Variants in KITLG observed in about 807,000 individuals in gnomAD.
The protein encoded by KITLG is c-Kit ligand.
KITLG carries 13 observed loss-of-function variants against 34.1 expected under a neutral mutation model. That is an observed-to-expected ratio of 0.38 (90% CI 0.25 to 0.61). The LOEUF is 0.61. KITLG is among the 20% of genes least tolerant of loss of function. The probability of loss-of-function intolerance (pLI) is 0.60; values close to 1 mark genes in which losing one functional copy is unlikely to be tolerated. For synonymous variants in KITLG, 110 were observed against 104.0 expected (o/e 1.06, Z -0.35); for missense variants, 292 against 318.9 (o/e 0.92, Z 0.64).
At chr12:88,516,286 T>C in intron 5 of KITLG, 48 bp downstream of exon 5, 3 of 1,529,940 alleles carry the variant, frequency 2.0e-6, no homozygotes, top group Non-Finnish European at 2.7e-6. Flanking sequence ...ATAGGGAAGA[T>C]TTAAGTTTGT....
chr12:88,570,504 C>T (rs1288013000), intron 1 of KITLG, among the ~76,000 whole-genome samples: 1 of 149,858 alleles, frequency 6.7e-6, no homozygotes, highest in Non-Finnish European at 1.5e-5. Flanking sequence ...ATCTTCTTCT[C>T]CACAAATAAA....
Position 88,500,215 on chromosome 12 carries a change from C to T in KITLG, c.*38-3034G>A, listed in dbSNP as rs114935545. On this transcript the variant is annotated intron_variant, in intron 9 of 9. Transcript: ENST00000644744. ...CATGTGCTCAGTACAGATGCTACCT[C>T]CACCACTTACAAAGTGAAGCTTTTC... Among the ~76,000 whole-genome samples, 1,026 of 152,338 alleles carry T rather than the reference C, an allele frequency of 6.7e-3. 5 individuals are homozygous for T. The highest frequency in any genetic ancestry group is 0.023 in the African/African-American group (947 of 41,576).
chr12:88,565,569 G>A (rs1871417517), intron 1 of KITLG, among the ~76,000 whole-genome samples: 1 of 152,204 alleles, frequency 6.6e-6, no homozygotes, highest in East Asian at 1.9e-4. Context: ...AAGTTGCAGT[G>A]AGCTGAGATT....
chr12:88,580,395 G>T lies in KITLG; in HGVS notation c.-117C>A. ...CGGCAGATAGTCCACGCATTGGGTA[G>T]CCCGAGCGCAGCGCCCTCTCCACTG... On this transcript the variant is annotated 5_prime_UTR_variant, in exon 1 of 10. Transcript: ENST00000644744. The T allele has an allele frequency of 1.6e-6, 2 of 1,223,196 alleles. No homozygotes were observed. The highest frequency in any genetic ancestry group is 2.4e-6 in the Non-Finnish European group (2 of 846,798). The allele number at this position is 1,223,196 out of a possible 1,614,324, so 75.8% of individuals were successfully genotyped here. A position where few individuals can be genotyped will look rare whatever the true frequency, so the allele number is the denominator to read the frequency against.
At position 88,516,425 on chromosome 12, in the gene KITLG, A is replaced by G. The variant is rs573719700; in HGVS notation, c.429T>C (p.Ile143=). Reference sequence around the variant, plus strand: ...TGAAGGCATCAATGGATCTATTAAAAATTCTAAAGAATTCTTCAGGAGTAA... The same window carrying G: ...TGAAGGCATCAATGGATCTATTAAAGATTCTAAAGAATTCTTCAGGAGTAA... The part of the protein sequence containing the change: ...RLFTPEEFFR[I]FNRSIDAFKD... The change falls in exon 5 of 10, where the codon ATT becomes ATC. Residue 143 remains isoleucine, a synonymous_variant. Transcript: ENST00000644744. The G allele has an allele frequency of 2.9e-5, 46 of 1,609,328 alleles. No homozygotes were observed. In the South Asian group the frequency reaches 4.6e-4, roughly 16 times the overall value.
At chr12:88,514,915 A>G (rs1388389165) in intron 6 of KITLG, among the ~76,000 whole-genome samples, 1 of 151,778 alleles carries the variant, frequency 6.6e-6, no homozygotes, top group Non-Finnish European at 1.5e-5. Flanking sequence ...AGTAAATACA[A>G]TAAACTTTAT....
At chr12:88,568,180 T>C (rs1440272879) in intron 1 of KITLG, among the ~76,000 whole-genome samples, 1 of 152,190 alleles carries the variant, frequency 6.6e-6, no homozygotes, top group African/African-American at 2.4e-5. Flanking sequence ...GACAGTCTAA[T>C]ACATACTGAT....
At chr12:88,558,369 T>C (rs978139753) in intron 1 of KITLG, among the ~76,000 whole-genome samples, 5 of 151,498 alleles carry the variant, frequency 3.3e-5, no homozygotes, top group African/African-American at 9.7e-5. Context: ...GAGAATAAAC[T>C]AAATCTTTAT....
At chr12:88,564,390 C>CCGTT (rs1566035755) in intron 1 of KITLG, 1 of 151,510 alleles carries the variant, frequency 6.6e-6, no homozygotes, top group Non-Finnish European at 1.5e-5. Context: ...AACAGGGAAA[C>CCGTT]TGGATAGCAA....
intron 1 of KITLG, among the ~76,000 whole-genome samples, chr12:88,561,961 A>G (rs1203416736): frequency 6.6e-6 from 1 of 152,026 alleles, no homozygotes; most frequent in Admixed American, 6.6e-5. Context: ...TTATCACATC[A>G]CATCACATCA....
chr12:88,539,935 A>T (rs1290451445), intron 2 of KITLG, among the ~76,000 whole-genome samples: 1 of 152,050 alleles, frequency 6.6e-6, no homozygotes, highest in African/African-American at 2.4e-5. Flanking sequence ...AAAAATTAAG[A>T]TGACAACTTC....
At chr12:88,560,705 C>A (rs960717065) in intron 1 of KITLG, among the ~76,000 whole-genome samples, 2 of 152,166 alleles carry the variant, frequency 1.3e-5, no homozygotes, top group Non-Finnish European at 2.9e-5. Flanking sequence ...CGCTGTGGCT[C>A]ACGCCTGTAA....
intron 9 of KITLG, among the ~76,000 whole-genome samples, chr12:88,500,323 C>T (rs1868803337): frequency 6.6e-6 from 1 of 152,166 alleles, no homozygotes; most frequent in African/African-American, 2.4e-5. Context: ...TCATTCATTC[C>T]AGTATCTAGA....
At chr12:88,543,935 T>A (rs1352660806) in intron 2 of KITLG, among the ~76,000 whole-genome samples, 4 of 152,146 alleles carry the variant, frequency 2.6e-5, no homozygotes, top group African/African-American at 9.7e-5. Context: ...ACTATAACAT[T>A]TTCTGTATGA....
At chr12:88,533,385 C>T (rs1273482959) in intron 2 of KITLG, among the ~76,000 whole-genome samples, 1 of 152,100 alleles carries the variant, frequency 6.6e-6, no homozygotes, top group Non-Finnish European at 1.5e-5. Flanking sequence ...GATGAATGTG[C>T]CAAACACATT....
intron 4 of KITLG, among the ~76,000 whole-genome samples, chr12:88,517,567 C>T (rs1234270155): frequency 1.3e-5 from 2 of 152,094 alleles, no homozygotes; most frequent in Admixed American, 1.3e-4. Context: ...CCTAACTCAT[C>T]TTTAAGGCTC....
chr12:88,501,161 T>C (rs993476825), intron 9 of KITLG, among the ~76,000 whole-genome samples: 1 of 152,180 alleles, frequency 6.6e-6, no homozygotes, highest in Non-Finnish European at 1.5e-5. Context: ...GTAGTTAAGA[T>C]ATTAAACCCT....
chr12:88,543,007 T>C (rs1870576821), intron 2 of KITLG, among the ~76,000 whole-genome samples: 1 of 152,300 alleles, frequency 6.6e-6, no homozygotes, highest in Non-Finnish European at 1.5e-5. Flanking sequence ...CTAGAGCAAT[T>C]GCTCTTAAGC....
At chr12:88,545,036 A>G (rs756893883) in intron 2 of KITLG, among the ~76,000 whole-genome samples, 4 of 152,180 alleles carry the variant, frequency 2.6e-5, no homozygotes, top group Non-Finnish European at 5.9e-5. Context: ...GGTTCAAAAA[A>G]GCATGTAAGA....
Sources: gnomAD v4.1 joint callset for allele counts (sites outside exome capture counted in the v4.1 genomes callset) on GRCh38, gnomAD v4.1.1 for gene constraint, MANE v1.5 for transcripts, NCBI Gene and HGNC (gene_info 2026-07-23, HGNC 2026-07-21) for gene names.